Variants in PID1 observed in about 807,000 individuals in gnomAD.
The protein encoded by PID1 is phosphotyrosine interaction domain containing 1, also known as PTB-containing, cubilin and LRP1-interacting protein.
PID1 carries 10 observed loss-of-function variants against 19.1 expected under a neutral mutation model. The ratio of observed to expected loss-of-function variants is 0.52; its 90% confidence interval spans 0.32 to 0.89. The LOEUF (loss-of-function observed/expected upper bound fraction) is 0.89. Ranked by LOEUF, PID1 falls within the 40% of genes least tolerant of loss-of-function variation. PID1 has a pLI of 0.03. For synonymous variants in PID1, 130 were observed against 116.0 expected (o/e 1.12, Z -0.78); for missense variants, 248 against 285.3 (o/e 0.87, Z 0.94).
At chr2:229,208,368 T>C (rs1691654597) in intron 1 of PID1, among the ~76,000 whole-genome samples, 2 of 152,242 alleles carry the variant, frequency 1.3e-5, no homozygotes, top group South Asian at 4.1e-4. Context: ...CCATCTGGTT[T>C]ACCTTGGATA....
At chr2:229,150,863 T>TG (rs1438801577) in intron 2 of PID1, among the ~76,000 whole-genome samples, 4 of 152,040 alleles carry the variant, frequency 2.6e-5, no homozygotes, top group Admixed American at 6.5e-5. Flanking sequence ...CTTTTTTTTT[T>TG]TTTTAAGAAA....
chr2:229,167,005 G>T (rs1302441137), intron 1 of PID1, among the ~76,000 whole-genome samples: 1 of 148,928 alleles, frequency 6.7e-6, no homozygotes, highest in African/African-American at 2.5e-5. Context: ...GGAAGGGGAA[G>T]GAAAGGAAAG....
intron 2 of PID1, among the ~76,000 whole-genome samples, chr2:229,068,730 G>T (rs1189500118): frequency 6.6e-6 from 1 of 152,152 alleles, no homozygotes; most frequent in Non-Finnish European, 1.5e-5. Flanking sequence ...ACAGGAAGCC[G>T]CCCGCAAGGG....
intron 1 of PID1, among the ~76,000 whole-genome samples, chr2:229,202,667 T>C (rs1691523964): frequency 6.6e-6 from 1 of 152,100 alleles, no homozygotes; most frequent in African/African-American, 2.4e-5. Flanking sequence ...TGTCACCTGG[T>C]CATCAACTAT....
intron 1 of PID1, among the ~76,000 whole-genome samples, chr2:229,187,260 T>C (rs545709870): frequency 2.6e-5 from 4 of 152,312 alleles, no homozygotes; most frequent in East Asian, 1.9e-4. Context: ...CACTTCCTCA[T>C]TTTTGGGTAT....
At chr2:229,270,423 G>C (rs775000839) in intron 1 of PID1, among the ~76,000 whole-genome samples, 3 of 152,102 alleles carry the variant, frequency 2.0e-5, no homozygotes, top group Non-Finnish European at 4.4e-5. Flanking sequence ...CTTTTGATGG[G>C]ATAACCCAGG....
chr2:229,042,198 T>A lies in PID1; in HGVS notation c.178-16090A>T, dbSNP rs749906842. 1.7e-4 allele frequency among the ~76,000 whole-genome samples: 26 copies of A among 152,036 alleles called. 1 individual carries two copies. The highest frequency in any genetic ancestry group is 2.6e-4 in the Non-Finnish European group (18 of 67,992). On this transcript the variant is annotated intron_variant, in intron 2 of 2. Coordinates refer to ENST00000392055, the MANE Select transcript of PID1 (RefSeq NM_001100818.2). Reference sequence around the variant, plus strand: ...AGAGAAAAAGATAGAAATATACACATACATATAGAATATAAATGATAAAGT... The same window carrying A: ...AGAGAAAAAGATAGAAATATACACAAACATATAGAATATAAATGATAAAGT...
chr2:229,145,155 GTATATATATATA>G (rs5839309), intron 2 of PID1, among the ~76,000 whole-genome samples: 16 of 119,942 alleles, frequency 1.3e-4, no homozygotes, highest in Admixed American at 5.3e-4. Flanking sequence ...ATATGTATGT[GTATATATATATA>G]TATATATATA....
intron 2 of PID1, among the ~76,000 whole-genome samples, chr2:229,060,270 A>T (rs1168786068): frequency 6.6e-6 from 1 of 152,056 alleles, no homozygotes; most frequent in Non-Finnish European, 1.5e-5. Context: ...ATGTCTCCCC[A>T]TTCCCTATCT....
intron 1 of PID1, among the ~76,000 whole-genome samples, chr2:229,167,347 A>G (rs1230732437): frequency 3.3e-5 from 5 of 152,160 alleles, no homozygotes; most frequent in Admixed American, 2.0e-4. Flanking sequence ...CTAAGTGACC[A>G]AAATAACCAT....
intron 2 of PID1, among the ~76,000 whole-genome samples, chr2:229,109,721 C>A (rs1399026465): frequency 6.6e-6 from 1 of 152,072 alleles, no homozygotes; most frequent in Admixed American, 6.6e-5. Context: ...ATGCATGCAT[C>A]CAAAAGAAAT....
chr2:229,076,757 G>GGT (rs1694566844), intron 2 of PID1, among the ~76,000 whole-genome samples: 1 of 152,120 alleles, frequency 6.6e-6, no homozygotes, highest in South Asian at 2.1e-4. Context: ...TATATTCCAT[G>GGT]GTATATATGT....
At chr2:229,230,185 T>C (rs1235496336) in intron 1 of PID1, among the ~76,000 whole-genome samples, 3 of 152,198 alleles carry the variant, frequency 2.0e-5, no homozygotes, top group Admixed American at 1.3e-4. Flanking sequence ...TTCTAATATG[T>C]TGTCAAGAAG....
At chr2:229,067,097 T>C (rs138097386) in intron 2 of PID1, among the ~76,000 whole-genome samples, 139 of 152,230 alleles carry the variant, frequency 9.1e-4, no homozygotes, top group African/African-American at 3.1e-3. Context: ...AAACACGTTC[T>C]TCTTCACATT....
chr2:229,222,632 AG>A (rs36090276), intron 1 of PID1, among the ~76,000 whole-genome samples: 3,383 of 152,244 alleles, frequency 0.022, 49 homozygotes, highest in Non-Finnish European at 0.034. Context: ...TGTCCTCCCC[AG>A]GGTACACAAG....
chr2:229,173,850 G>C (rs183565418), intron 1 of PID1, among the ~76,000 whole-genome samples: 2 of 152,290 alleles, frequency 1.3e-5, no homozygotes, highest in African/African-American at 4.8e-5. Context: ...GAGTAGCAGA[G>C]TTAAAGTATA....
chr2:229,117,883 A>G (rs1350892099), intron 2 of PID1, among the ~76,000 whole-genome samples: 3 of 151,996 alleles, frequency 2.0e-5, no homozygotes, highest in South Asian at 4.2e-4. Context: ...AGACTTCTGC[A>G]CTCAGCTGAA....
chr2:229,123,379 T>G (rs1023833057), intron 2 of PID1, among the ~76,000 whole-genome samples: 8 of 152,244 alleles, frequency 5.3e-5, no homozygotes, highest in African/African-American at 1.7e-4. Context: ...TGCCAAATAA[T>G]AGACTATTTT....
intron 1 of PID1, among the ~76,000 whole-genome samples, chr2:229,156,646 T>C (rs1157184935): frequency 6.6e-6 from 1 of 152,158 alleles, no homozygotes; most frequent in Non-Finnish European, 1.5e-5. Flanking sequence ...CCTGGTCCCA[T>C]CACTTCCAAC....
Sources: allele counts gnomAD v4.1 joint callset (sites outside exome capture counted in the v4.1 genomes callset), GRCh38; gene constraint gnomAD v4.1.1; transcripts MANE v1.5; gene names NCBI Gene and HGNC (gene_info 2026-07-23, HGNC 2026-07-21).